SUPT3H: variants seen among roughly 807,000 people sequenced by gnomAD.
The protein encoded by SUPT3H is transcription initiation protein SPT3 homolog.
A neutral mutation model predicts 44.3 loss-of-function variants in SUPT3H; 44 were observed. The observed-to-expected ratio is 0.99, with a 90% CI of 0.78 to 1.28. The LOEUF is 1.28. Ranked by LOEUF, SUPT3H falls within the 50% of genes most tolerant of loss-of-function variation. SUPT3H has a pLI of 0.00. For missense variants in SUPT3H, 380 were observed against 387.1 expected (o/e 0.98, Z 0.15); for synonymous variants, 124 against 125.6 (o/e 0.99, Z 0.09).
intron 7 of SUPT3H, 128 bp from the exon 8 acceptor site, chr6:44,954,735 A>G (rs1582729839): frequency 1.1e-5 from 7 of 628,750 alleles, no homozygotes; most frequent in Non-Finnish European, 1.7e-5. Context: ...CATAAAATGC[A>G]TAATTAATGT....
chr6:45,370,683 A>G (rs1795913942), intron 1 of SUPT3H, among the ~76,000 whole-genome samples: 1 of 152,186 alleles, frequency 6.6e-6, no homozygotes, highest in Non-Finnish European at 1.5e-5. Flanking sequence ...GAAAATATCA[A>G]AACACCCTGT....
At chr6:45,000,377 G>A (rs1270765150) in intron 6 of SUPT3H, among the ~76,000 whole-genome samples, 1 of 151,826 alleles carries the variant, frequency 6.6e-6, no homozygotes, top group Non-Finnish European at 1.5e-5. Context: ...GGTAGAAATG[G>A]GAATGGTAGA....
rs1491206167 is a variant in SUPT3H, at chr6:44,928,882, C to CAAAAT, written c.912+3770_912+3771insATTTT. On this transcript the variant is annotated intron_variant, in intron 10 of 10. Transcript: ENST00000371459. ...TGGGCGACAGAACGAGACTCCGTCT[C>CAAAAT]AAAAAAAAAAAAAAAAAAAAAAGAA... Among the ~76,000 whole-genome samples, 85 of 20,644 alleles carry CAAAAT rather than the reference C, an allele frequency of 4.1e-3. 3 individuals carry two copies. Among genetic ancestry groups the CAAAAT allele is most frequent in the African/African-American group, 5.3e-3 (17 of 3,180 alleles). 13.5% of individuals were successfully genotyped at this position (20,644 alleles called of 152,430 possible). A position where few individuals can be genotyped will look rare whatever the true frequency, so the allele number is the denominator to read the frequency against.
intron 2 of SUPT3H, among the ~76,000 whole-genome samples, chr6:45,211,619 G>A (rs1053694599): frequency 1.3e-5 from 2 of 151,914 alleles, no homozygotes; most frequent in African/African-American, 4.8e-5. Context: ...GGGAGACCGA[G>A]GCAGACAGAT....
intron 2 of SUPT3H, among the ~76,000 whole-genome samples, chr6:45,348,767 A>G (rs755004477): frequency 5.9e-5 from 9 of 152,008 alleles, no homozygotes; most frequent in Non-Finnish European, 8.8e-5. Context: ...CACATTACCT[A>G]TTTAGTGATG....
At chr6:45,280,778 C>G (rs1280831188) in intron 2 of SUPT3H, among the ~76,000 whole-genome samples, 3 of 152,160 alleles carry the variant, frequency 2.0e-5, no homozygotes, top group Non-Finnish European at 2.9e-5. Flanking sequence ...AATATATGGG[C>G]AAATTATTAA....
In SUPT3H at chr6:44,904,365, T is replaced by A. The variant is rs147270296; in HGVS notation, c.912+28288A>T. Among the ~76,000 whole-genome samples the A allele has an allele frequency of 9.0e-3, 1,376 of 152,270 alleles. 14 individuals are homozygous for A. The highest frequency in any genetic ancestry group is 0.028 in the South Asian group (137 of 4,826). Reference sequence around the variant, plus strand: ...CCTGCAAAAATCACAAGCATTCTTATACACCAATAACAGACAAACAGAGAG... The same window carrying A: ...CCTGCAAAAATCACAAGCATTCTTAAACACCAATAACAGACAAACAGAGAG... On this transcript the variant is annotated intron_variant, in intron 10 of 10. Coordinates refer to ENST00000371459, the MANE Select transcript of SUPT3H (RefSeq NM_003599.4).
chr6:44,961,189 G>A (rs1026470721), intron 7 of SUPT3H, among the ~76,000 whole-genome samples: 41 of 152,162 alleles, frequency 2.7e-4, no homozygotes, highest in Admixed American at 4.6e-4. Context: ...GTGCAGTGAT[G>A]TGAAAGTACT....
chr6:45,255,458 C>T (rs1231709398), intron 2 of SUPT3H, among the ~76,000 whole-genome samples: 1 of 135,298 alleles, frequency 7.4e-6, no homozygotes, highest in East Asian at 2.3e-4. Context: ...CTCGCTCTCT[C>T]TCACCCAGGC....
chr6:45,186,478 C>G (rs1217574809), intron 2 of SUPT3H, among the ~76,000 whole-genome samples: 1 of 152,058 alleles, frequency 6.6e-6, no homozygotes, highest in Non-Finnish European at 1.5e-5. Context: ...AATTATAGAA[C>G]TGAAAATATA....
At chr6:45,258,934 A>G (rs376329678) in intron 2 of SUPT3H, among the ~76,000 whole-genome samples, 27 of 152,314 alleles carry the variant, frequency 1.8e-4, no homozygotes, top group African/African-American at 6.0e-4. Context: ...TGAGGCTTAG[A>G]TAAGCTTGTC....
intron 10 of SUPT3H, among the ~76,000 whole-genome samples, chr6:44,918,571 T>TGG (rs2153455814): frequency 6.6e-6 from 1 of 152,256 alleles, no homozygotes; most frequent in South Asian, 2.1e-4. Flanking sequence ...CAACCAAAAA[T>TGG]ATACCAACTC....
At chr6:44,881,079 C>T (rs1778143337) in intron 10 of SUPT3H, among the ~76,000 whole-genome samples, 1 of 152,006 alleles carries the variant, frequency 6.6e-6, no homozygotes, top group South Asian at 2.1e-4. Flanking sequence ...AGGCTAAATG[C>T]CCCAATTAAA....
chr6:45,229,492 C>G (rs1003101279), intron 2 of SUPT3H, among the ~76,000 whole-genome samples: 1 of 152,050 alleles, frequency 6.6e-6, no homozygotes, highest in East Asian at 1.9e-4. Flanking sequence ...GAACTGAGTA[C>G]TTATTACATT....
chr6:45,224,017 TAAATATA>T (rs1223518285), intron 2 of SUPT3H, among the ~76,000 whole-genome samples: 2 of 148,496 alleles, frequency 1.3e-5, no homozygotes, highest in Non-Finnish European at 3.0e-5. Context: ...ATATACATAT[TAAATATA>T]AAATATATCA....
intron 2 of SUPT3H, among the ~76,000 whole-genome samples, chr6:45,131,673 AAAG>A (rs1256948889): frequency 3.3e-5 from 5 of 152,262 alleles, no homozygotes; most frequent in Admixed American, 2.6e-4. Context: ...AAATATGAAA[AAAG>A]AAGAAAATCT....
intron 2 of SUPT3H, among the ~76,000 whole-genome samples, chr6:45,278,912 T>A (rs1401732282): frequency 6.6e-6 from 1 of 152,128 alleles, no homozygotes; most frequent in African/African-American, 2.4e-5. Flanking sequence ...AACACAAAAA[T>A]CATTTAATTG....
At chr6:45,063,708 A>C (rs1792653347) in intron 3 of SUPT3H, among the ~76,000 whole-genome samples, 3 of 73,378 alleles carry the variant, frequency 4.1e-5, no homozygotes, top group Non-Finnish European at 5.3e-5. Flanking sequence ...AAAGGGTATC[A>C]GCAATGGAAG....
At chr6:44,945,036 T>G (rs1362250607) in intron 9 of SUPT3H, among the ~76,000 whole-genome samples, 1 of 152,120 alleles carries the variant, frequency 6.6e-6, no homozygotes, top group Non-Finnish European at 1.5e-5. Context: ...CGTGTCCAAC[T>G]TTATGTCTCT....
Sources: gnomAD v4.1 joint callset for allele counts (sites outside exome capture counted in the v4.1 genomes callset) on GRCh38, gnomAD v4.1.1 for gene constraint, MANE v1.5 for transcripts, NCBI Gene and HGNC (gene_info 2026-07-23, HGNC 2026-07-21) for gene names.